The following DDX56 variants were observed in gnomAD, a reference collection of about 807,000 sequenced individuals.
DDX56 encodes DEAD-box helicase 56.
DDX56 carries 45 observed loss-of-function variants against 61.5 expected under a neutral mutation model. That is an observed-to-expected ratio of 0.73 (90% CI 0.58 to 0.94). The LOEUF is 0.94. Ranked by LOEUF, DDX56 falls within the 40% of genes least tolerant of loss-of-function variation. DDX56 has a pLI of 0.00. For missense variants in DDX56, 708 were observed against 690.7 expected, an observed-to-expected ratio of 1.02 and a Z score of -0.28; for synonymous variants, 273 against 268.3, an observed-to-expected ratio of 1.02 and a Z score of -0.17.
At position 44,573,722 on chromosome 7, in the gene DDX56, G is replaced by C. The variant is rs562239553; in HGVS notation, c.83C>G (p.Ser28Trp). The change falls in exon 2 of 14, where the codon TCG becomes TGG. Residue 28 changes from serine to tryptophan, a missense_variant. Coordinates refer to ENST00000258772, the MANE Select transcript of DDX56 (RefSeq NM_019082.4). Reference protein sequence around the residue: ...LLQAVTDLGWSRPTLIQEKAI... With the variant: ...LLQAVTDLGWWRPTLIQEKAI... ...CTTCTCCTGGATCAGCGTAGGTCGC[G>C]ACCAGCCCAGATCGGTGACAGCCTA... 1.2e-6 allele frequency: 2 copies of C among 1,613,584 alleles called. No homozygotes were observed. Among genetic ancestry groups the C allele is most frequent in the East Asian group, 4.5e-5 (2 of 44,882 alleles).
intron 2 of DDX56, 122 bp downstream of exon 2, chr7:44,573,461 C>T (rs1047413110): frequency 1.3e-5 from 17 of 1,311,922 alleles, no homozygotes; most frequent in African/African-American, 4.4e-5. Context: ...ACAACAGCAC[C>T]AGGTTCTCAG....
At chr7:44,572,496 GCTTCCAGCC>G in intron 4 of DDX56, 59 bp from the exon 5 acceptor site, 1 of 1,612,750 alleles carries the variant, frequency 6.2e-7, no homozygotes, top group Non-Finnish European at 8.5e-7. Flanking sequence ...GTAGTAACTG[GCTTCCAGCC>G]ACCCCGCTCT....
rs201700581 is a variant in DDX56 at position 44,570,920 on chromosome 7, C to T, written c.891-43G>A. Reference sequence around the variant, plus strand: ...CAGAGAATCAGCTCAGCAGAGCAAGCTCAAGGCCCCTCTGCCATCCCTAGT... The same window carrying T: ...CAGAGAATCAGCTCAGCAGAGCAAGTTCAAGGCCCCTCTGCCATCCCTAGT... On this transcript the variant is annotated intron_variant, in intron 6 of 13. Transcript: ENST00000258772. 5 of 1,583,452 alleles carry T rather than the reference C, an allele frequency of 3.2e-6. No homozygotes were observed. In the East Asian group the frequency reaches 9.1e-5, roughly 29 times the overall value.
In DDX56 at chr7:44,568,929, C is replaced by G; in HGVS notation, c.1357G>C (p.Glu453Gln). The G allele has an allele frequency of 6.2e-7, 1 of 1,614,158 alleles. No homozygotes were observed. Among genetic ancestry groups the G allele is most frequent in the Non-Finnish European group, 8.5e-7 (1 of 1,180,020 alleles). ...REARLKEIKE[E>Q]LLHSEKLKTY... ...TTAAGCTTCTCAGAATGCAGAAGCTCTTCCTTGATCTCCTTCAATCTTGCC... is the reference window on the plus strand; with the variant it reads ...TTAAGCTTCTCAGAATGCAGAAGCTGTTCCTTGATCTCCTTCAATCTTGCC... Residue 453 changes from glutamate (E) to glutamine (Q), a missense_variant, in exon 11 of 14, where the codon GAG becomes CAG. Glu to Gln is a conservative substitution (Grantham distance 29, BLOSUM62 2). Transcript: ENST00000258772.
intron 12 of DDX56, chr7:44,567,683 C>G: frequency 3.8e-6 from 1 of 260,100 alleles, no homozygotes; most frequent in Non-Finnish European, 7.6e-6. Context: ...TCCCTGCTGA[C>G]TGTTCTTACC....
intron 5 of DDX56, among the ~76,000 whole-genome samples, 190 bp from the exon 6 acceptor site, chr7:44,571,926 G>A (rs574667724): frequency 4.6e-5 from 7 of 152,128 alleles, no homozygotes; most frequent in Non-Finnish European, 5.9e-5. Context: ...GGTATATAGA[G>A]TATACCATAT....
At chr7:44,571,769 G>A (rs375188739) in intron 5 of DDX56, 33 bp from the exon 6 acceptor site, 196 of 1,610,810 alleles carry the variant, frequency 1.2e-4, no homozygotes, top group Middle Eastern at 1.8e-4. Flanking sequence ...GGTCAGAAAG[G>A]AAAAGAACAC....
chr7:44,572,766 G>C lies in DDX56; in HGVS notation c.384-22C>G, dbSNP rs577282262. On this transcript the variant is annotated intron_variant, in intron 3 of 13. Coordinates refer to ENST00000258772, the MANE Select transcript of DDX56 (RefSeq NM_019082.4). Reference sequence around the variant, plus strand: ...AGCTCTGGAGGTGGACAAGACATCAGTATCAGGCAGAATGTAGCAGCTGGG... The same window carrying C: ...AGCTCTGGAGGTGGACAAGACATCACTATCAGGCAGAATGTAGCAGCTGGG... 5 of 1,613,122 alleles carry C rather than the reference G, an allele frequency of 3.1e-6. No homozygotes were observed. In the African/African-American group the frequency reaches 5.3e-5, roughly 17 times the overall value.
At chr7:44,568,438 T>C (rs11972206) in intron 11 of DDX56, among the ~76,000 whole-genome samples, 1,634 of 152,240 alleles carry the variant, frequency 0.011, 28 homozygotes, top group African/African-American at 0.037. Flanking sequence ...CTGGGCATCA[T>C]CTTACAGACT....
At chr7:44,568,771 C>T (rs1585170197) in intron 11 of DDX56, 132 bp downstream of exon 11, 1 of 693,060 alleles carries the variant, frequency 1.4e-6, no homozygotes, top group Non-Finnish European at 2.5e-6. Context: ...ATTCTGGGTC[C>T]ATTTCCTCCC....
At chr7:44,569,590 C>T (rs1046250868) in intron 9 of DDX56, among the ~76,000 whole-genome samples, 3 of 152,198 alleles carry the variant, frequency 2.0e-5, no homozygotes, top group African/African-American at 7.2e-5. Flanking sequence ...GGTCACTCAA[C>T]GCTCATGAGG....
rs1241634384 is a variant in DDX56 at position 44,573,705 on chromosome 7, G to T, written c.100C>A (p.Gln34Lys). ...DLGWSRPTLIQEKAIPLALEG... is the reference protein window; with the variant it reads ...DLGWSRPTLIKEKAIPLALEG... Reference sequence around the variant, plus strand: ...AGGGCCAGTGGGATGGCCTTCTCCTGGATCAGCGTAGGTCGCGACCAGCCC... The same window carrying T: ...AGGGCCAGTGGGATGGCCTTCTCCTTGATCAGCGTAGGTCGCGACCAGCCC... The change falls in exon 2 of 14, where the codon CAG becomes AAG. Residue 34 changes from glutamine (Q) to lysine (K), a missense_variant. Gln to Lys is a moderately conservative substitution (Grantham distance 53, BLOSUM62 1). Transcript: ENST00000258772. The T allele has an allele frequency of 6.2e-7, 1 of 1,613,604 alleles. No homozygotes were observed. Among genetic ancestry groups the T allele is most frequent in the East Asian group, 2.2e-5 (1 of 44,892 alleles).
chr7:44,572,977 T>C lies in DDX56; in HGVS notation c.296A>G (p.Gln99Arg). 6.2e-7 allele frequency: 1 copy of C among 1,613,444 alleles called. No homozygotes were observed. The highest frequency in any genetic ancestry group is 8.5e-7 in the Non-Finnish European group (1 of 1,179,638). Residue 99 changes from glutamine to arginine, a missense_variant, in exon 3 of 14, where the codon CAG becomes CGG. Transcript: ENST00000258772. ...VPTKELARQAQSMIQQLATYC... is the reference protein window; with the variant it reads ...VPTKELARQARSMIQQLATYC... ...GGTAGCCAGCTGCTGAATCATGGAC[T>C]GTGCTTGCCGTGCCAGCTCCTTGGT...
intron 13 of DDX56, 51 bp from the exon 14 acceptor site, chr7:44,566,130 T>TCCGGGGGGGGG (rs2117115398): frequency 8.1e-7 from 1 of 1,227,942 alleles, no homozygotes; most frequent in Non-Finnish European, 1.1e-6. Flanking sequence ...CGACAGACAA[T>TCCGGGGGGGGG]CCACCCACCC....
At chr7:44,573,431 TC>T in intron 2 of DDX56, 151 bp downstream of exon 2, 1 of 1,049,490 alleles carries the variant, frequency 9.5e-7, no homozygotes, top group Non-Finnish European at 1.4e-6. Flanking sequence ...TAACCTGAAC[TC>T]CAGCCCAGAG....
At chr7:44,573,535 G>T in intron 2 of DDX56, 48 bp downstream of exon 2, 1 of 1,597,760 alleles carries the variant, frequency 6.3e-7, no homozygotes. Context: ...CCCTTCCCAG[G>T]CTTTTGGAGC....
In DDX56 at chr7:44,571,623, C is replaced by T. The variant is rs1802673868; in HGVS notation, c.759G>A (p.Lys253=). The T allele has an allele frequency of 6.2e-7, 1 of 1,614,050 alleles. No homozygotes were observed. Among genetic ancestry groups the T allele is most frequent in the African/African-American group, 1.3e-5 (1 of 74,934 alleles). The part of the protein sequence containing the change: ...DKFLLLYALL[K]LSLIRGKSLL... ...GAGACTTGCCCCGAATCAATGACAGCTTGAGCAGGGCATACAGCAGGAGGA... is the reference window on the plus strand; with the variant it reads ...GAGACTTGCCCCGAATCAATGACAGTTTGAGCAGGGCATACAGCAGGAGGA... Residue 253 remains lysine (K), a synonymous_variant, in exon 6 of 14, where the codon AAG becomes AAA. Coordinates refer to ENST00000258772, the MANE Select transcript of DDX56 (RefSeq NM_019082.4).
intron 12 of DDX56, 77 bp from the exon 13 acceptor site, chr7:44,566,601 A>G (rs1028882790): frequency 1.2e-5 from 14 of 1,198,530 alleles, no homozygotes; most frequent in Non-Finnish European, 1.6e-5. Context: ...TTCTGCAGCA[A>G]ATTCTCCAAT....
At chr7:44,573,792 GC>G in intron 1 of DDX56, 43 bp downstream of exon 1, 1 of 1,613,316 alleles carries the variant, frequency 6.2e-7, no homozygotes, top group Non-Finnish European at 8.5e-7. Flanking sequence ...GCGATGGCGC[GC>G]CCCGCAGAGC....
Sources: allele counts gnomAD v4.1 joint callset (sites outside exome capture counted in the v4.1 genomes callset), GRCh38; gene constraint gnomAD v4.1.1; transcripts MANE v1.5; gene names NCBI Gene and HGNC (gene_info 2026-07-23, HGNC 2026-07-21).